The following HLCS variants were observed in gnomAD, a reference collection of about 807,000 sequenced individuals.
HLCS encodes the protein biotin--protein ligase.
Under a neutral mutation model 75.0 loss-of-function variants are expected in HLCS, and 53 were observed. The ratio of observed to expected loss-of-function variants is 0.71; its 90% confidence interval spans 0.57 to 0.89. The LOEUF is 0.89. Ranked by LOEUF, HLCS falls within the 40% of genes least tolerant of loss-of-function variation. HLCS has a pLI of 0.00. For missense variants in HLCS, 966 were observed against 1,074.0 expected (o/e 0.90, Z 1.41); for synonymous variants, 431 against 428.6 (o/e 1.01, Z -0.07).
rs1601745760 is a variant in HLCS, at chr21:36,920,863, G to A, written c.1620+9388C>T. Reference sequence around the variant, plus strand: ...TTAAATCCTGAAATGCATCAAGGTTGCCTATGAAAAGTAATCTAGACAATC... The same window carrying A: ...TTAAATCCTGAAATGCATCAAGGTTACCTATGAAAAGTAATCTAGACAATC... On this transcript the variant is annotated intron_variant, in intron 5 of 10. Coordinates refer to ENST00000674895, the MANE Select transcript of HLCS (RefSeq NM_001352514.2). Among the ~76,000 whole-genome samples the A allele has an allele frequency of 2.0e-5, 3 of 152,146 alleles. No individual in the cohort carries two copies. In the South Asian group the frequency reaches 6.2e-4, roughly 31 times the overall value.
chr21:36,786,439 T>A (rs1399450407), intron 6 of HLCS, among the ~76,000 whole-genome samples: 3 of 152,064 alleles, frequency 2.0e-5, no homozygotes. Context: ...GTTCCAAAAT[T>A]TAAAACTTAA....
At chr21:36,955,013 A>G (rs1474289383) in intron 2 of HLCS, among the ~76,000 whole-genome samples, 1 of 152,184 alleles carries the variant, frequency 6.6e-6, no homozygotes, top group African/African-American at 2.4e-5. Flanking sequence ...ATGAGCCAAG[A>G]TAGTGCCATT....
At chr21:36,939,381 C>T (rs952172207) in intron 2 of HLCS, among the ~76,000 whole-genome samples, 1 of 152,098 alleles carries the variant, frequency 6.6e-6, no homozygotes, top group Non-Finnish European at 1.5e-5. Flanking sequence ...ACCTGTGGAC[C>T]CGCTTTTCTC....
At chr21:36,983,697 C>T (rs1261848767) in intron 1 of HLCS, among the ~76,000 whole-genome samples, 1 of 151,682 alleles carries the variant, frequency 6.6e-6, no homozygotes, top group Non-Finnish European at 1.5e-5. Flanking sequence ...ATTAGCCCGG[C>T]GTGGTGGCGG....
chr21:36,833,656 G>C (rs1460064707), intron 6 of HLCS, among the ~76,000 whole-genome samples: 1 of 148,830 alleles, frequency 6.7e-6, no homozygotes, highest in Non-Finnish European at 1.5e-5. Flanking sequence ...TTAATATTCA[G>C]TAAAGGCAGA....
intron 6 of HLCS, among the ~76,000 whole-genome samples, chr21:36,865,664 C>T (rs1385021430): frequency 6.6e-6 from 1 of 152,174 alleles, no homozygotes; most frequent in East Asian, 1.9e-4. Context: ...TTGTTCCAAA[C>T]GAATAGTAAA....
chr21:36,964,760 A>G (rs912286034), intron 1 of HLCS, among the ~76,000 whole-genome samples: 1 of 152,214 alleles, frequency 6.6e-6, no homozygotes, highest in African/African-American at 2.4e-5. Context: ...GAGTCATGAA[A>G]ATGTTCAAAA....
intron 2 of HLCS, among the ~76,000 whole-genome samples, chr21:36,939,940 T>C (rs549211143): frequency 4.2e-4 from 64 of 152,224 alleles, no homozygotes; most frequent in African/African-American, 1.4e-3. Flanking sequence ...TCCCAGCTAC[T>C]CGGGGGGCTG....
At chr21:36,983,304 G>C (rs2069160691) in intron 1 of HLCS, among the ~76,000 whole-genome samples, 1 of 151,768 alleles carries the variant, frequency 6.6e-6, no homozygotes, top group Non-Finnish European at 1.5e-5. Flanking sequence ...CCCGCCTCCT[G>C]GGTTCAAGTG....
At chr21:36,923,324 A>AT (rs1455750935) in intron 5 of HLCS, among the ~76,000 whole-genome samples, 8 of 151,986 alleles carry the variant, frequency 5.3e-5, no homozygotes, top group Non-Finnish European at 1.0e-4. Flanking sequence ...GTCTTGGAGG[A>AT]TTTTTTTTAT....
Position 36,829,913 on chromosome 21 carries a change from A to T in HLCS, c.1893-62628T>A, listed in dbSNP as rs112505805. Among the ~76,000 whole-genome samples, 749 of 152,330 alleles carry T rather than the reference A, an allele frequency of 4.9e-3. 9 individuals are homozygous for T. Among genetic ancestry groups the T allele is most frequent in the African/African-American group, 0.016 (686 of 41,586 alleles). ...TGTAGTACAACCCGGCTGCACATGC[A>T]CAGGGTTAGAGGCTGAACTGTGTCC... On this transcript the variant is annotated intron_variant, in intron 6 of 10. Coordinates refer to ENST00000674895, the MANE Select transcript of HLCS (RefSeq NM_001352514.2).
chr21:36,873,113 ATTC>A (rs746398241), intron 6 of HLCS, among the ~76,000 whole-genome samples: 46 of 150,940 alleles, frequency 3.0e-4, no homozygotes, highest in Non-Finnish European at 4.4e-4. Flanking sequence ...TACTGCTGGC[ATTC>A]TTCTTTTTTT....
At chr21:36,973,230 T>C (rs1258042067) in intron 1 of HLCS, among the ~76,000 whole-genome samples, 1 of 81,644 alleles carries the variant, frequency 1.2e-5, no homozygotes. Context: ...ACCCTGTCTT[T>C]TTTTTTTTTT....
chr21:36,825,205 G>A (rs1246555163), intron 6 of HLCS, among the ~76,000 whole-genome samples: 2 of 152,084 alleles, frequency 1.3e-5, no homozygotes, highest in East Asian at 3.9e-4. Flanking sequence ...AACATAGTGA[G>A]AGGTCCTGTC....
intron 1 of HLCS, among the ~76,000 whole-genome samples, chr21:36,965,361 C>G (rs1373344350): frequency 6.6e-6 from 1 of 152,218 alleles, no homozygotes; most frequent in Non-Finnish European, 1.5e-5. Flanking sequence ...CTACCGATGT[C>G]CATGAAATTT....
chr21:36,783,098 A>T (rs1362972897), intron 6 of HLCS, among the ~76,000 whole-genome samples: 1 of 152,122 alleles, frequency 6.6e-6, no homozygotes, highest in African/African-American at 2.4e-5. Flanking sequence ...CTTTGCTAGG[A>T]GCTACCCACC....
intron 4 of HLCS, among the ~76,000 whole-genome samples, chr21:36,931,251 C>A (rs982583148): frequency 7.4e-6 from 1 of 134,930 alleles, no homozygotes; most frequent in African/African-American, 2.8e-5. Context: ...CCATTGCACT[C>A]CAACCTGGGC....
intron 6 of HLCS, among the ~76,000 whole-genome samples, chr21:36,782,136 CTT>C (rs1451461872): frequency 1.3e-5 from 2 of 151,950 alleles, no homozygotes; most frequent in African/African-American, 4.8e-5. Context: ...TTTATACTGT[CTT>C]TAACAGATTT....
intron 6 of HLCS, among the ~76,000 whole-genome samples, chr21:36,793,295 C>CTTTTTTTTTGTTTT: frequency 8.6e-6 from 1 of 116,262 alleles, no homozygotes; most frequent in Non-Finnish European, 1.8e-5. Flanking sequence ...AGGAAGCAGT[C>CTTTTTTTTTGTTTT]TTTTTTTTTT....
Sources: gnomAD v4.1 joint callset for allele counts (sites outside exome capture counted in the v4.1 genomes callset) on GRCh38, gnomAD v4.1.1 for gene constraint, MANE v1.5 for transcripts, NCBI Gene and HGNC (gene_info 2026-07-23, HGNC 2026-07-21) for gene names.